Variants in BNC2 observed in about 807,000 individuals in gnomAD.
BNC2 encodes the protein basonuclin zinc finger protein 2, also known as zinc finger protein basonuclin-2.
A neutral mutation model predicts 76.3 loss-of-function variants in BNC2; 20 were observed. The ratio of observed to expected loss-of-function variants is 0.26; its 90% CI spans 0.18 to 0.38. The LOEUF is 0.38. Among genes scored for constraint, BNC2 ranks in the 10% least tolerant of loss-of-function variants. BNC2 has a pLI of 1.00. For missense variants in BNC2, 1,382 were observed against 1,399.8 expected (o/e 0.99, Z 0.20); for synonymous variants, 582 against 514.8 (o/e 1.13, Z -1.77).
In BNC2 at chr9:16,412,756, A is replaced by T; in HGVS notation, c.*6233T>A. 1 of 114,932 alleles carries T rather than the reference A, an allele frequency of 8.7e-6. No individual in the cohort carries two copies. The highest frequency in any genetic ancestry group is 3.0e-4 in the East Asian group (1 of 3,340). The allele number at this position is 114,932 out of a possible 1,614,324, so 7.1% of individuals were successfully genotyped here. ...GAGAGAGAGAGAGAGAGAGAGAGAG[A>T]GAGAGAGAGACTGACTGATTGTGGA... On this transcript the variant is annotated 3_prime_UTR_variant, in exon 7 of 7. Coordinates refer to ENST00000380672, the MANE Select transcript of BNC2 (RefSeq NM_017637.6).
chr9:16,665,788 C>G (rs76836127), intron 3 of BNC2, among the ~76,000 whole-genome samples: 2,824 of 152,246 alleles, frequency 0.019, 96 homozygotes, highest in African/African-American at 0.063. Context: ...ATGATCCTTA[C>G]TAAGTAGGCA....
Position 16,436,674 on chromosome 9 carries a change from T to C in BNC2, c.1520A>G (p.Asp507Gly). ...LHMPMLRNNR[D>G]KDLIRATSGA... ...TGAGGTGGCCCGAATTAAATCTTTATCTCGGTTATTCCTTAGCATAGGCAT... is the reference window on the plus strand; with the variant it reads ...TGAGGTGGCCCGAATTAAATCTTTACCTCGGTTATTCCTTAGCATAGGCAT... The change falls in exon 6 of 7, where the codon GAT becomes GGT. Residue 507 changes from aspartate to glycine, a missense_variant. Transcript: ENST00000380672. 6.2e-7 allele frequency: 1 copy of C among 1,614,146 alleles called. No homozygotes were observed. Among genetic ancestry groups the C allele is most frequent in the Non-Finnish European group, 8.5e-7 (1 of 1,180,034 alleles).
chr9:16,476,872 T>C (rs567748509), intron 5 of BNC2, among the ~76,000 whole-genome samples: 22 of 152,340 alleles, frequency 1.4e-4, no homozygotes, highest in African/African-American at 5.3e-4. Context: ...GCAAGGGGTT[T>C]GAAATGTACA....
At chr9:16,801,795 T>C (rs1817789245) in intron 1 of BNC2, among the ~76,000 whole-genome samples, 1 of 151,506 alleles carries the variant, frequency 6.6e-6, no homozygotes, top group Non-Finnish European at 1.5e-5. Flanking sequence ...AGTTAATTAA[T>C]TGAAACAAAG....
intron 3 of BNC2, among the ~76,000 whole-genome samples, chr9:16,709,268 T>A (rs1346987646): frequency 2.0e-5 from 3 of 152,180 alleles, no homozygotes; most frequent in African/African-American, 7.2e-5. Flanking sequence ...GGCCTGTGGT[T>A]GATTGCATTA....
chr9:16,861,729 C>A (rs1426127234), intron 1 of BNC2, among the ~76,000 whole-genome samples: 1 of 152,182 alleles, frequency 6.6e-6, no homozygotes, highest in African/African-American at 2.4e-5. Context: ...GTGGCTCACG[C>A]CTGAAATCCC....
chr9:16,512,783 G>C (rs1458044073), intron 5 of BNC2, among the ~76,000 whole-genome samples: 2 of 152,074 alleles, frequency 1.3e-5, no homozygotes, highest in Non-Finnish European at 1.5e-5. Flanking sequence ...TGTTTTACTG[G>C]AGAAGGGTAG....
intron 3 of BNC2, among the ~76,000 whole-genome samples, chr9:16,660,776 A>T (rs2134054172): frequency 6.6e-6 from 1 of 152,320 alleles, no homozygotes; most frequent in Non-Finnish European, 1.5e-5. Flanking sequence ...CAACAATAAA[A>T]ATAATAGTAA....
chr9:16,517,367 A>C (rs1021051027), intron 5 of BNC2, among the ~76,000 whole-genome samples: 1 of 152,208 alleles, frequency 6.6e-6, no homozygotes, highest in Admixed American at 6.5e-5. Flanking sequence ...TATATACTGA[A>C]ATACTGGCAT....
At chr9:16,773,474 T>C (rs1825881592) in intron 1 of BNC2, among the ~76,000 whole-genome samples, 1 of 150,182 alleles carries the variant, frequency 6.7e-6, no homozygotes, top group Non-Finnish European at 1.5e-5. Context: ...TTTCTCCTAA[T>C]TGCTGACAAG....
intron 1 of BNC2, among the ~76,000 whole-genome samples, chr9:16,789,434 T>C (rs1586885525): frequency 6.6e-6 from 1 of 152,178 alleles, no homozygotes; most frequent in East Asian, 1.9e-4. Context: ...ACAAGTTCCA[T>C]GGCGTTCCTG....
At chr9:16,746,531 T>C (rs1825010725) in intron 1 of BNC2, among the ~76,000 whole-genome samples, 1 of 151,664 alleles carries the variant, frequency 6.6e-6, no homozygotes, top group Non-Finnish European at 1.5e-5. Flanking sequence ...GCCCGGCTAA[T>C]TTTTGTATTT....
chr9:16,547,359 AAG>A (rs919830981), intron 5 of BNC2, among the ~76,000 whole-genome samples: 2 of 152,224 alleles, frequency 1.3e-5, no homozygotes, highest in African/African-American at 4.8e-5. Context: ...AGAAAAAACT[AAG>A]GGCCTTTTGA....
intron 5 of BNC2, among the ~76,000 whole-genome samples, chr9:16,549,217 T>G (rs947473563): frequency 1.3e-5 from 2 of 152,220 alleles, no homozygotes; most frequent in African/African-American, 4.8e-5. Flanking sequence ...ACATAAAGGA[T>G]GCAGGCTTTG....
chr9:16,858,753 G>A (rs1475059032), intron 1 of BNC2, among the ~76,000 whole-genome samples: 2 of 152,018 alleles, frequency 1.3e-5, no homozygotes, highest in Non-Finnish European at 2.9e-5. Context: ...GGCTGAGGCA[G>A]GAGAATGGCG....
At chr9:16,485,946 C>T (rs10125404) in intron 5 of BNC2, among the ~76,000 whole-genome samples, 7,025 of 152,234 alleles carry the variant, frequency 0.046, 545 homozygotes, top group African/African-American at 0.16. Context: ...AGACCATTTA[C>T]AGAGAGGAAA....
intron 3 of BNC2, among the ~76,000 whole-genome samples, chr9:16,681,424 A>G (rs1822817397): frequency 6.6e-6 from 1 of 152,174 alleles, no homozygotes; most frequent in Middle Eastern, 3.2e-3. Flanking sequence ...TGAAATGGGC[A>G]AGGGAGAATC....
rs75224765 is a variant in BNC2, at chr9:16,791,636, A to G, written c.4-53151T>C. ...CTAAAGACCCCATTCACAGTCAACTATAACAGATGAGAGGAGAAATCTAGA... is the reference window on the plus strand; with the variant it reads ...CTAAAGACCCCATTCACAGTCAACTGTAACAGATGAGAGGAGAAATCTAGA... On this transcript the variant is annotated intron_variant, in intron 1 of 6. Transcript: ENST00000380672. Among the ~76,000 whole-genome samples, 1,102 of 152,306 alleles carry G rather than the reference A, an allele frequency of 7.2e-3. 12 individuals are homozygous for G. Among genetic ancestry groups the G allele is most frequent in the African/African-American group, 0.025 (1,044 of 41,562 alleles).
chr9:16,569,960 A>C (rs1342537010), intron 4 of BNC2, among the ~76,000 whole-genome samples: 1 of 152,202 alleles, frequency 6.6e-6, no homozygotes, highest in African/African-American at 2.4e-5. Flanking sequence ...ACTGACTATA[A>C]AACATATCTC....
Sources: gnomAD v4.1 joint callset for allele counts (sites outside exome capture counted in the v4.1 genomes callset) on GRCh38, gnomAD v4.1.1 for gene constraint, MANE v1.5 for transcripts, NCBI Gene and HGNC (gene_info 2026-07-23, HGNC 2026-07-21) for gene names.